CUX2: variants seen among roughly 807,000 people sequenced by gnomAD.
CUX2 encodes homeobox protein cut-like 2.
CUX2 carries 40 observed loss-of-function variants against 144.8 expected under a neutral mutation model. The ratio of observed to expected loss-of-function variants is 0.28; its 90% confidence interval spans 0.21 to 0.36. The LOEUF (loss-of-function observed/expected upper bound fraction) is 0.36, where lower values mean the gene tolerates loss of function less well. Ranked by LOEUF, CUX2 falls within the 10% of genes least tolerant of loss-of-function variation. The pLI is 1.00. For synonymous variants in CUX2, 827 were observed against 875.6 expected, an observed-to-expected ratio of 0.94 and a Z score of 0.98; for missense variants, 1,615 against 1,994.0, an observed-to-expected ratio of 0.81 and a Z score of 3.62.
chr12:111,285,465 A>T (rs140682431), intron 4 of CUX2, among the ~76,000 whole-genome samples: 1 of 152,224 alleles, frequency 6.6e-6, no homozygotes, highest in Non-Finnish European at 1.5e-5. Flanking sequence ...CGGCCGAGCC[A>T]TGAACCACCC....
At chr12:111,173,427 A>G (rs568684025) in intron 1 of CUX2, among the ~76,000 whole-genome samples, 1 of 152,362 alleles carries the variant, frequency 6.6e-6, no homozygotes, top group East Asian at 1.9e-4. Flanking sequence ...TTGAGCATTC[A>G]TTCATGTGCT....
In CUX2 at chr12:111,287,671, A is replaced by G. The variant is rs574440394; in HGVS notation, c.302-3747A>G. Among the ~76,000 whole-genome samples the G allele has an allele frequency of 2.0e-5, 3 of 152,254 alleles. No individual in the cohort carries two copies. Among genetic ancestry groups the G allele is most frequent in the Admixed American group, 1.3e-4 (2 of 15,280 alleles). On this transcript the variant is annotated intron_variant, in intron 4 of 21. Transcript: ENST00000261726. The surrounding 1 kb of genome is among the most constrained non-coding windows in gnomAD (Gnocchi z 4.2). Reference sequence around the variant, plus strand: ...TACCCTGCTGCGCAGGCCCTGCCTAATGACGGGGCGTGGGGGCTGCCGGCA... The same window carrying G: ...TACCCTGCTGCGCAGGCCCTGCCTAGTGACGGGGCGTGGGGGCTGCCGGCA...
rs760244153 is a variant in CUX2, at chr12:111,214,285, G to A, written c.149G>A (p.Arg50Gln). The A allele has an allele frequency of 1.7e-5, 27 of 1,604,824 alleles. No individual in the cohort carries two copies. Among genetic ancestry groups the A allele is most frequent in the Admixed American group, 5.1e-5 (3 of 58,938 alleles). The stretch of plus-strand genomic sequence containing the variant: ...CATAAACATTTAATTGAACTCCGCC[G>A]GGAATTTAAGAAAAATGTACCTGAG... Reference protein sequence around the residue: ...HSHKHLIELRREFKKNVPEEI... With the variant: ...HSHKHLIELRQEFKKNVPEEI... The change falls in exon 2 of 22, where the codon CGG (arginine) becomes CAG (glutamine). Residue 50 changes from arginine to glutamine, a missense_variant. This residue lies in a region of CUX2 where 295 missense variants were observed against 400.2 expected (regional missense o/e 0.74). Coordinates refer to ENST00000261726, the MANE Select transcript of CUX2 (RefSeq NM_015267.4).
At chr12:111,082,328 G>A (rs1249673943) in intron 1 of CUX2, among the ~76,000 whole-genome samples, 1 of 152,170 alleles carries the variant, frequency 6.6e-6, no homozygotes, top group South Asian at 2.1e-4. Context: ...TATGATATTT[G>A]TAAAGGAATT....
chr12:111,058,958 A>G (rs1046603862), intron 1 of CUX2, among the ~76,000 whole-genome samples: 1 of 152,258 alleles, frequency 6.6e-6, no homozygotes, highest in African/African-American at 2.4e-5. Flanking sequence ...ATATTTTGCA[A>G]TAATCAATAT....
At chr12:111,054,037 C>A (rs1474399393) in intron 1 of CUX2, among the ~76,000 whole-genome samples, 3 of 152,134 alleles carry the variant, frequency 2.0e-5, no homozygotes, top group African/African-American at 7.2e-5. Flanking sequence ...GCCTGTAATC[C>A]CAGCTACTCA....
At chr12:111,278,736 G>T (rs1884992928) in intron 4 of CUX2, among the ~76,000 whole-genome samples, 1 of 152,164 alleles carries the variant, frequency 6.6e-6, no homozygotes, top group Non-Finnish European at 1.5e-5. Context: ...ACATTTTAAA[G>T]ATTTTTTGTC....
intron 1 of CUX2, among the ~76,000 whole-genome samples, chr12:111,060,971 G>A (rs1426146783): frequency 2.6e-5 from 4 of 152,202 alleles, no homozygotes; most frequent in Admixed American, 2.6e-4. Flanking sequence ...CAGGAGGGGC[G>A]TGAGGCCTTC....
At chr12:111,220,719 C>T (rs1881799199) in intron 3 of CUX2, among the ~76,000 whole-genome samples, 1 of 102,422 alleles carries the variant, frequency 9.8e-6, no homozygotes, top group Non-Finnish European at 1.8e-5. Flanking sequence ...CCAGCCTGGG[C>T]AATATAATGA....
chr12:111,329,428 C>T (rs1302383520), intron 18 of CUX2, among the ~76,000 whole-genome samples: 8 of 152,174 alleles, frequency 5.3e-5, no homozygotes, highest in South Asian at 2.1e-4. Flanking sequence ...TCCATCACTT[C>T]GTCAGAAGCG....
chr12:111,095,451 C>T (rs1054233283), intron 1 of CUX2, among the ~76,000 whole-genome samples: 5 of 151,938 alleles, frequency 3.3e-5, no homozygotes, highest in Admixed American at 1.3e-4. Context: ...AGAGTGAGAC[C>T]CTATCTCAAA....
chr12:111,305,359 C>A (rs1364204854), intron 10 of CUX2, among the ~76,000 whole-genome samples: 1 of 152,178 alleles, frequency 6.6e-6, no homozygotes, highest in African/African-American at 2.4e-5. Context: ...CCCACATATA[C>A]AGGCCCAGGT....
intron 1 of CUX2, among the ~76,000 whole-genome samples, chr12:111,191,226 C>T (rs979623809): frequency 1.3e-5 from 2 of 152,100 alleles, no homozygotes; most frequent in African/African-American, 2.4e-5. Flanking sequence ...TGAAGTTTCA[C>T]GGGTAAAGTG....
At chr12:111,177,237 C>T (rs1279166018) in intron 1 of CUX2, among the ~76,000 whole-genome samples, 2 of 152,110 alleles carry the variant, frequency 1.3e-5, no homozygotes, top group South Asian at 4.1e-4. Flanking sequence ...ACAAGCTAAA[C>T]CTTGTTGAGA....
chr12:111,062,737 C>T (rs1326740771), intron 1 of CUX2, among the ~76,000 whole-genome samples: 1 of 152,228 alleles, frequency 6.6e-6, no homozygotes, highest in Non-Finnish European at 1.5e-5. Flanking sequence ...ATGATGAGAC[C>T]ATATTACAGG....
At chr12:111,345,302 G>A (rs1888746205) in intron 21 of CUX2, among the ~76,000 whole-genome samples, 1 of 150,942 alleles carries the variant, frequency 6.6e-6, no homozygotes, top group South Asian at 2.1e-4. Flanking sequence ...ACAAAAATTA[G>A]CATGGTGACG....
Position 111,322,340 on chromosome 12 carries a change from AAAAAG to A in CUX2, c.2767-80_2767-76del. 3 of 1,316,364 alleles carry A rather than the reference AAAAAG, an allele frequency of 2.3e-6. No individual in the cohort carries two copies. Among genetic ancestry groups the A allele is most frequent in the South Asian group, 1.6e-5 (1 of 61,942 alleles). 81.5% of individuals were successfully genotyped at this position (1,316,364 alleles called of 1,614,324 possible). A position where few individuals can be genotyped will look rare whatever the true frequency, so the allele number is the denominator to read the frequency against. On this transcript the variant is annotated intron_variant, in intron 17 of 21. Transcript: ENST00000261726. This position sits in a 1 kb window ranked among gnomAD's most constrained non-coding sequence, Gnocchi z 4.2. ...CTGCCTCAAAAAAAAAAAAAAAAAA[AAAAAG>A]GTTGGGGAGGAGAGTGAGGGCCAGG...
intron 1 of CUX2, among the ~76,000 whole-genome samples, chr12:111,148,360 T>G (rs1592940274): frequency 6.7e-6 from 1 of 148,604 alleles, no homozygotes; most frequent in Non-Finnish European, 1.5e-5. Flanking sequence ...GAGTGGTGGG[T>G]GTCTGGGGCG....
At chr12:111,203,514 C>T (rs1880731922) in intron 1 of CUX2, among the ~76,000 whole-genome samples, 1 of 147,374 alleles carries the variant, frequency 6.8e-6, no homozygotes, top group South Asian at 2.1e-4. Context: ...CACTGTACTG[C>T]AGCCTGGGTG....
Sources: gnomAD v4.1 joint callset for allele counts (sites outside exome capture counted in the v4.1 genomes callset) on GRCh38, gnomAD v4.1.1 for gene constraint, gnomAD v4.1.1 regional missense constraint, Gnocchi (gnomAD v3.1) non-coding constraint, MANE v1.5 for transcripts, NCBI Gene and HGNC (gene_info 2026-07-23, HGNC 2026-07-21) for gene names.